The following TRDMT1 variants were observed in gnomAD, a reference collection of about 807,000 sequenced individuals.
TRDMT1 encodes the protein tRNA aspartic acid methyltransferase 1, also known as tRNA (cytosine(38)-C(5))-methyltransferase.
TRDMT1 carries 49 observed loss-of-function variants against 51.2 expected under a neutral mutation model. That is an observed-to-expected ratio of 0.96 (90% CI 0.76 to 1.21). The LOEUF (loss-of-function observed/expected upper bound fraction) is 1.21. Among genes scored for constraint, TRDMT1 ranks in the 50% most tolerant of loss-of-function variants. TRDMT1 has a pLI of 0.00. For synonymous variants in TRDMT1, 187 were observed against 164.6 expected (o/e 1.14, Z -1.04); for missense variants, 534 against 462.3 (o/e 1.16, Z -1.42).
chr10:17,159,560 A>C (rs1476588160), intron 6 of TRDMT1, among the ~76,000 whole-genome samples: 3 of 152,180 alleles, frequency 2.0e-5, no homozygotes, highest in Admixed American at 1.3e-4. Flanking sequence ...TAAAAATTCA[A>C]ATATAGCTAT....
intron 2 of TRDMT1, among the ~76,000 whole-genome samples, chr10:17,170,247 C>G (rs976067721): frequency 6.6e-6 from 1 of 151,918 alleles, no homozygotes; most frequent in Non-Finnish European, 1.5e-5. Context: ...GGCAGTTAGG[C>G]AAAAATTCAT....
chr10:17,149,666 A>G (rs372843172), intron 10 of TRDMT1, among the ~76,000 whole-genome samples: 1 of 152,094 alleles, frequency 6.6e-6, no homozygotes, highest in Non-Finnish European at 1.5e-5. Context: ...CCGGCCCCCA[A>G]CCATTAATCT....
chr10:17,149,272 T>A, intron 10 of TRDMT1, 132 bp from the exon 11 acceptor site: 1 of 690,692 alleles, frequency 1.4e-6, no homozygotes, highest in Non-Finnish European at 2.4e-6. Context: ...GAAGTTTTAT[T>A]AACAAAAGAG....
At chr10:17,178,682 A>G (rs917281638) in intron 1 of TRDMT1, among the ~76,000 whole-genome samples, 37 of 151,970 alleles carry the variant, frequency 2.4e-4, no homozygotes, top group African/African-American at 8.9e-4. Flanking sequence ...TCTCGGAAAA[A>G]AAAAAAAAAA....
intron 10 of TRDMT1, among the ~76,000 whole-genome samples, chr10:17,152,390 T>C (rs976576291): frequency 4.6e-5 from 7 of 152,308 alleles, no homozygotes; most frequent in Middle Eastern, 3.4e-3. Flanking sequence ...TTGTTCCCTA[T>C]GTACAAAATG....
At chr10:17,173,033 A>C (rs1034008098) in intron 2 of TRDMT1, among the ~76,000 whole-genome samples, 3 of 152,178 alleles carry the variant, frequency 2.0e-5, no homozygotes, top group Non-Finnish European at 4.4e-5. Context: ...ACATTGAATA[A>C]ATATTATGAC....
chr10:17,166,417 G>A (rs975300385), intron 3 of TRDMT1, among the ~76,000 whole-genome samples: 2 of 151,822 alleles, frequency 1.3e-5, no homozygotes, highest in Non-Finnish European at 2.9e-5. Context: ...TATACCTAAT[G>A]TAAATGATGA....
chr10:17,163,621 C>T (rs1420998183), intron 3 of TRDMT1, among the ~76,000 whole-genome samples: 4 of 151,972 alleles, frequency 2.6e-5, no homozygotes, highest in Non-Finnish European at 4.4e-5. Context: ...TGATAGACCG[C>T]TAGCAAGACT....
intron 10 of TRDMT1, chr10:17,150,564 A>G (rs1313611776): frequency 5.1e-6 from 5 of 985,258 alleles, no homozygotes; most frequent in Admixed American, 6.2e-5. Context: ...GTTAGTTATA[A>G]TGGCAGGATT....
At position 17,146,599 on chromosome 10, in the gene TRDMT1, TAA is replaced by T; in HGVS notation, c.*2439_*2440del. On this transcript the variant is annotated 3_prime_UTR_variant, in exon 11 of 11. Transcript: ENST00000377799. ...CCTTACAATTATCTGGCAAGCCGTT[TAA>T]AAGAGCAGGGATGATGGGAAAAGGA... is the stretch of plus-strand genomic sequence containing the variant. The T allele has an allele frequency of 1.0e-6, 1 of 985,342 alleles. No homozygotes were observed. Among genetic ancestry groups the T allele is most frequent in the East Asian group, 1.1e-4 (1 of 8,814 alleles). The allele number at this position is 985,342 out of a possible 1,614,324, so 61.0% of individuals were successfully genotyped here. A position where few individuals can be genotyped will look rare whatever the true frequency, so the allele number is the denominator to read the frequency against.
At chr10:17,163,115 G>T (rs1006530325) in intron 3 of TRDMT1, among the ~76,000 whole-genome samples, 2 of 152,168 alleles carry the variant, frequency 1.3e-5, no homozygotes, top group Non-Finnish European at 2.9e-5. Context: ...AAATAGGAGA[G>T]ACTTAAGCTG....
intron 3 of TRDMT1, among the ~76,000 whole-genome samples, chr10:17,165,375 T>C (rs1841041943): frequency 6.6e-6 from 1 of 152,318 alleles, no homozygotes; most frequent in Non-Finnish European, 1.5e-5. Flanking sequence ...TAATTCAAGA[T>C]GGATTAAAGA....
chr10:17,170,571 T>A (rs180959399), intron 2 of TRDMT1, among the ~76,000 whole-genome samples: 4 of 152,350 alleles, frequency 2.6e-5, no homozygotes, highest in African/African-American at 4.8e-5. Context: ...TTAAACTGAA[T>A]TTTCATTTGA....
At chr10:17,163,072 A>C (rs993383792) in intron 3 of TRDMT1, among the ~76,000 whole-genome samples, 1 of 152,220 alleles carries the variant, frequency 6.6e-6, no homozygotes, top group Non-Finnish European at 1.5e-5. Flanking sequence ...CAATCAAAGC[A>C]GTAGGTAAAA....
chr10:17,174,729 G>T, intron 1 of TRDMT1, 69 bp from the exon 2 acceptor site: 1 of 1,136,070 alleles, frequency 8.8e-7, no homozygotes, highest in Non-Finnish European at 1.3e-6. Flanking sequence ...AATCAAAATA[G>T]CAGAATTTAG....
intron 1 of TRDMT1, among the ~76,000 whole-genome samples, chr10:17,186,049 T>TAATTAATA (rs368587700): frequency 7.0e-6 from 1 of 143,026 alleles, no homozygotes; most frequent in Non-Finnish European, 1.5e-5. Context: ...ACTTACAGTA[T>TAATTAATA]AATAAATAAA....
At chr10:17,175,605 A>C (rs528345327) in intron 1 of TRDMT1, among the ~76,000 whole-genome samples, 2 of 152,108 alleles carry the variant, frequency 1.3e-5, no homozygotes, top group South Asian at 4.2e-4. Flanking sequence ...AGATCCAAGT[A>C]GCCGATTCTT....
chr10:17,159,063 G>T, intron 7 of TRDMT1, 83 bp downstream of exon 7: 1 of 928,010 alleles, frequency 1.1e-6, no homozygotes, highest in South Asian at 2.3e-5. Context: ...ACACAAAGTA[G>T]TTCTTGAAAA....
intron 10 of TRDMT1, chr10:17,150,610 A>C (rs912086102): frequency 2.2e-5 from 22 of 985,190 alleles, no homozygotes; most frequent in Admixed American, 6.2e-5. Flanking sequence ...CAAGGAAATA[A>C]AGGAAAAATA....
Sources: allele counts gnomAD v4.1 joint callset (sites outside exome capture counted in the v4.1 genomes callset), GRCh38; gene constraint gnomAD v4.1.1; transcripts MANE v1.5; gene names NCBI Gene and HGNC (gene_info 2026-07-23, HGNC 2026-07-21).